The following ZBTB20 variants were observed in gnomAD, a reference collection of about 807,000 sequenced individuals.
ZBTB20 encodes the protein zinc finger and BTB domain containing 20, also known as zinc finger and BTB domain-containing protein 20.
Under a neutral mutation model 56.9 loss-of-function variants are expected in ZBTB20, and 9 were observed. The ratio of observed to expected loss-of-function variants is 0.16; its 90% CI spans 0.10 to 0.28. The LOEUF is 0.28. Ranked by LOEUF, ZBTB20 falls within the 10% of genes least tolerant of loss-of-function variation. The pLI, the probability that ZBTB20 is intolerant of heterozygous loss-of-function variation, is 1.00. For missense variants in ZBTB20, 655 were observed against 1,003.0 expected (o/e 0.65, Z 4.69); for synonymous variants, 417 against 420.7 (o/e 0.99, Z 0.11).
At chr3:114,920,147 A>C (rs1446808775) in intron 3 of ZBTB20, among the ~76,000 whole-genome samples, 4 of 152,220 alleles carry the variant, frequency 2.6e-5, no homozygotes, top group Non-Finnish European at 4.4e-5. Context: ...AACAGAACAG[A>C]AGGGAAAAAT....
intron 2 of ZBTB20, among the ~76,000 whole-genome samples, chr3:114,982,480 A>G (rs184379142): frequency 5.9e-5 from 9 of 152,204 alleles, no homozygotes; most frequent in Admixed American, 5.2e-4. Flanking sequence ...ATCTTTACAC[A>G]TTGAGTAATT....
chr3:115,107,178 G>A (rs543580558), intron 1 of ZBTB20, among the ~76,000 whole-genome samples: 1 of 152,150 alleles, frequency 6.6e-6, no homozygotes, highest in Non-Finnish European at 1.5e-5. Flanking sequence ...TGTAATCTCA[G>A]CACTTTGGGA....
chr3:114,995,393 G>A (rs1279421103), intron 2 of ZBTB20, among the ~76,000 whole-genome samples: 2 of 151,854 alleles, frequency 1.3e-5, no homozygotes, highest in African/African-American at 4.8e-5. Context: ...GCTTCATATA[G>A]GTTGCTACTT....
chr3:115,032,938 A>AACT (rs1428386167), intron 2 of ZBTB20, among the ~76,000 whole-genome samples: 1 of 149,124 alleles, frequency 6.7e-6, no homozygotes, highest in Non-Finnish European at 1.5e-5. Context: ...ATCAGAACCT[A>AACT]ACTTTACAAC....
chr3:114,425,787 C>G (rs1330544172), intron 7 of ZBTB20, among the ~76,000 whole-genome samples: 1 of 151,974 alleles, frequency 6.6e-6, no homozygotes, highest in Admixed American at 6.5e-5. Flanking sequence ...GGCTGCTAGC[C>G]CCTCAAAACC....
chr3:114,707,653 C>T (rs989885646), intron 5 of ZBTB20, among the ~76,000 whole-genome samples: 62 of 152,116 alleles, frequency 4.1e-4, no homozygotes, highest in Middle Eastern at 3.2e-3. Context: ...GTGGAAGAAG[C>T]GGGAACTAGT....
At chr3:114,835,105 A>G (rs547379078) in intron 4 of ZBTB20, among the ~76,000 whole-genome samples, 2 of 152,250 alleles carry the variant, frequency 1.3e-5, no homozygotes, top group South Asian at 4.1e-4. Flanking sequence ...TGTTATTTAT[A>G]CTAATAGGGG....
At chr3:114,608,883 T>C (rs2057353554) in intron 6 of ZBTB20, among the ~76,000 whole-genome samples, 1 of 152,254 alleles carries the variant, frequency 6.6e-6, no homozygotes, top group Admixed American at 6.5e-5. Flanking sequence ...CTGCCATGTT[T>C]GCATTACAGA....
chr3:114,884,069 G>A lies in ZBTB20; in HGVS notation c.-417+16235C>T, dbSNP rs1365661865. Among the ~76,000 whole-genome samples the A allele has an allele frequency of 2.0e-5, 3 of 148,682 alleles. No individual in the cohort carries two copies. In the East Asian group the frequency reaches 5.9e-4, roughly 29 times the overall value. ...GCCTCCCAAGTAGCTGGGACTACAG[G>A]CGCCCGCCACTACGCCCGGCTAATT... On this transcript the variant is annotated intron_variant, in intron 4 of 11. Coordinates refer to ENST00000675478, the MANE Select transcript of ZBTB20 (RefSeq NM_001348800.3).
intron 2 of ZBTB20, among the ~76,000 whole-genome samples, chr3:115,033,262 T>C (rs1160982135): frequency 1.3e-5 from 2 of 151,492 alleles, no homozygotes; most frequent in African/African-American, 2.4e-5. Context: ...GATAACCTAG[T>C]TGAAATGTAG....
At chr3:114,370,366 T>C (rs913082047) in intron 10 of ZBTB20, among the ~76,000 whole-genome samples, 1 of 152,224 alleles carries the variant, frequency 6.6e-6, no homozygotes. Context: ...TGGTCTTTTT[T>C]GTGACACATC....
intron 4 of ZBTB20, among the ~76,000 whole-genome samples, chr3:114,815,032 T>C (rs1358882927): frequency 2.6e-5 from 4 of 152,224 alleles, no homozygotes; most frequent in Non-Finnish European, 5.9e-5. Flanking sequence ...CTCTAGCTGT[T>C]ACATGTAACA....
chr3:114,417,397 T>C (rs2108801613), intron 7 of ZBTB20, among the ~76,000 whole-genome samples: 1 of 152,246 alleles, frequency 6.6e-6, no homozygotes, highest in South Asian at 2.1e-4. Flanking sequence ...TGGTATTGTG[T>C]AGACTTCCAC....
In ZBTB20 at chr3:114,799,960, A is replaced by G. The variant is rs180845969; in HGVS notation, c.-343+1141T>C. Among the ~76,000 whole-genome samples the G allele has an allele frequency of 3.3e-3, 504 of 152,048 alleles. 3 individuals are homozygous for G. The highest frequency in any genetic ancestry group is 0.012 in the African/African-American group (480 of 41,534). ...CAGTCAATAAAGAGTGCAATGAACT[A>G]CAGTGAAAATGGAAGCAATTGTCTG... On this transcript the variant is annotated intron_variant, in intron 5 of 11. Transcript: ENST00000675478.
At chr3:114,647,727 C>T (rs2059925607) in intron 6 of ZBTB20, among the ~76,000 whole-genome samples, 1 of 152,080 alleles carries the variant, frequency 6.6e-6, no homozygotes, top group Non-Finnish European at 1.5e-5. Flanking sequence ...ATACTCAGTA[C>T]TTCTCTAGTA....
chr3:114,923,943 C>T (rs1161683153), intron 3 of ZBTB20, among the ~76,000 whole-genome samples: 1 of 151,936 alleles, frequency 6.6e-6, no homozygotes, highest in African/African-American at 2.4e-5. Flanking sequence ...AGAAGGCATA[C>T]AAATGGGCAA....
chr3:114,333,175 T>C lies in ZBTB20; in HGVS notation c.*5830A>G, dbSNP rs1297390566. On this transcript the variant is annotated 3_prime_UTR_variant, in exon 12 of 12. Transcript: ENST00000675478. ...TAGAAATGATGCTTTGGATTAGTAGTTTCCACATTCTGAATTTATAGGAAC... is the reference window on the plus strand; with the variant it reads ...TAGAAATGATGCTTTGGATTAGTAGCTTCCACATTCTGAATTTATAGGAAC... The C allele has an allele frequency of 6.6e-6, 1 of 152,210 alleles. No individual in the cohort carries two copies. The highest frequency in any genetic ancestry group is 1.5e-5 in the Non-Finnish European group (1 of 68,030). 9.4% of individuals were successfully genotyped at this position (152,210 alleles called of 1,614,324 possible).
chr3:114,871,507 G>C (rs1424199132), intron 4 of ZBTB20, among the ~76,000 whole-genome samples: 1 of 152,004 alleles, frequency 6.6e-6, no homozygotes, highest in Non-Finnish European at 1.5e-5. Context: ...ATGTGCTACT[G>C]GTATAAAATG....
intron 1 of ZBTB20, among the ~76,000 whole-genome samples, chr3:115,099,620 G>A (rs2083505336): frequency 6.6e-6 from 1 of 152,036 alleles, no homozygotes; most frequent in Non-Finnish European, 1.5e-5. Flanking sequence ...AAACATGCTG[G>A]CAAAAAGTAT....
Sources: allele counts gnomAD v4.1 joint callset (sites outside exome capture counted in the v4.1 genomes callset), GRCh38; gene constraint gnomAD v4.1.1; transcripts MANE v1.5; gene names NCBI Gene and HGNC (gene_info 2026-07-23, HGNC 2026-07-21).